Variants in RAPGEF2 observed in about 807,000 individuals in gnomAD.
The protein encoded by RAPGEF2 is PDZ domain containing guanine nucleotide exchange factor (GEF) 1.
In RAPGEF2, 54 loss-of-function variants were observed where a neutral mutation model predicts 186.7. That is an observed-to-expected ratio of 0.29 (90% CI 0.23 to 0.36). RAPGEF2 has a LOEUF of 0.36. Ranked by LOEUF, RAPGEF2 falls within the 10% of genes least tolerant of loss-of-function variation. The pLI is 1.00. For synonymous variants in RAPGEF2, 712 were observed against 705.9 expected, an observed-to-expected ratio of 1.01 and a Z score of -0.14; for missense variants, 1,532 against 2,045.0, an observed-to-expected ratio of 0.75 and a Z score of 4.84.
intron 1 of RAPGEF2, among the ~76,000 whole-genome samples, chr4:159,119,339 G>T (rs1230228154): frequency 6.6e-6 from 1 of 152,108 alleles, no homozygotes; most frequent in Non-Finnish European, 1.5e-5. Context: ...TTGGTGTTTT[G>T]TCTTTTTATT....
intron 1 of RAPGEF2, among the ~76,000 whole-genome samples, chr4:159,152,488 T>C (rs1418684868): frequency 2.0e-5 from 3 of 152,230 alleles, no homozygotes; most frequent in Non-Finnish European, 4.4e-5. Context: ...AATTGGTATG[T>C]CCATGTGGCT....
rs115907467 is a variant in RAPGEF2 at position 159,119,056 on chromosome 4, T to G, written c.69+14825T>G. ...ACTAAAGTGATTTTAATATGTTGAT[T>G]TGATAGACTTGATTTATAGTACAGA... On this transcript the variant is annotated intron_variant, in intron 1 of 29. Transcript: ENST00000691494. Among the ~76,000 whole-genome samples the G allele has an allele frequency of 8.6e-3, 1,308 of 152,314 alleles. 24 individuals are homozygous for G. Among genetic ancestry groups the G allele is most frequent in the African/African-American group, 0.03 (1,243 of 41,572 alleles).
chr4:159,107,119 G>A (rs1332559624), intron 1 of RAPGEF2, among the ~76,000 whole-genome samples: 4 of 152,172 alleles, frequency 2.6e-5, no homozygotes, highest in African/African-American at 4.8e-5. Context: ...TGGAAACCTG[G>A]CTGAGTTCTA....
intron 22 of RAPGEF2, 128 bp downstream of exon 22, chr4:159,343,532 G>T: frequency 8.2e-7 from 1 of 1,218,562 alleles, no homozygotes; most frequent in African/African-American, 1.5e-5. Context: ...AGTAGGATGT[G>T]CTGAGAATCA....
At position 159,350,160 on chromosome 4, in the gene RAPGEF2, A is replaced by G; in HGVS notation, c.3736A>G (p.Lys1246Glu). 6.3e-7 allele frequency: 1 copy of G among 1,575,212 alleles called. No homozygotes were observed. Among genetic ancestry groups the G allele is most frequent in the Non-Finnish European group, 8.6e-7 (1 of 1,160,586 alleles). ...AGGCATAAACTCTCCACAAGCTTTA[A>G]AAAAAATTCTTTCTTTGTCTGAAGA... is the stretch of plus-strand genomic sequence containing the variant. ...PFGINSPQAL[K>E]KILSLSEEGS... Residue 1246 changes from lysine (K) to glutamate (E), a missense_variant, in exon 26 of 30, where the codon AAA becomes GAA. By Grantham distance (56) the Lys-to-Glu change is moderately conservative. This residue lies in a region of RAPGEF2 where 594 missense variants were observed against 608.5 expected (regional missense o/e 0.98). Transcript: ENST00000691494.
rs771804945 is a variant in RAPGEF2, at chr4:159,341,585, G to A, written c.2556G>A (p.Met852Ile). 1 of 1,598,440 alleles carries A rather than the reference G, an allele frequency of 6.3e-7. No individual in the cohort carries two copies. Reference sequence around the variant, plus strand: ...ATAGGTATTATCTGAAAAACAACATGGAAACAGAAACTCTTTGTTCAGATG... The same window carrying A: ...ATAGGTATTATCTGAAAAACAACATAGAAACAGAAACTCTTTGTTCAGATG... ...LSGRYYLKNNMETETLCSDED... is the reference protein window; with the variant it reads ...LSGRYYLKNNIETETLCSDED... The change falls in exon 20 of 30, where the codon ATG (methionine) becomes ATA (isoleucine). Residue 852 changes from methionine (M) to isoleucine (I), a missense_variant. Met to Ile is a conservative substitution (Grantham distance 10). This residue lies in a region of RAPGEF2 where 810 missense variants were observed against 1,210.5 expected (regional missense o/e 0.67). Transcript: ENST00000691494.
chr4:159,215,634 A>T (rs1371963885), intron 4 of RAPGEF2, among the ~76,000 whole-genome samples: 1 of 152,236 alleles, frequency 6.6e-6, no homozygotes, highest in Non-Finnish European at 1.5e-5. Context: ...GCCTTTTAAT[A>T]GAAATAGTCA....
In RAPGEF2 at chr4:159,359,681, T is replaced by C. The variant is rs1443592705; in HGVS notation, c.*1542T>C. On this transcript the variant is annotated 3_prime_UTR_variant, in exon 30 of 30. Transcript: ENST00000691494. ...TTTTCACTGTATCAAACAATGTCAG[T>C]GCTTTATTTAATAATTCTCTTCTGT... is the stretch of plus-strand genomic sequence containing the variant. 6.6e-6 allele frequency: 1 copy of C among 151,964 alleles called. No homozygotes were observed. Among genetic ancestry groups the C allele is most frequent in the African/African-American group, 2.4e-5 (1 of 41,188 alleles). 9.4% of individuals were successfully genotyped at this position (151,964 alleles called of 1,614,324 possible).
At chr4:159,315,729 A>G (rs1398523660) in intron 9 of RAPGEF2, among the ~76,000 whole-genome samples, 1 of 152,154 alleles carries the variant, frequency 6.6e-6, no homozygotes, top group Non-Finnish European at 1.5e-5. Flanking sequence ...AGAGAGAGAG[A>G]GGAGACAAAG....
At chr4:159,324,449 T>C (rs996464510) in intron 11 of RAPGEF2, among the ~76,000 whole-genome samples, 3 of 152,236 alleles carry the variant, frequency 2.0e-5, no homozygotes, top group African/African-American at 7.2e-5. Flanking sequence ...AAAAGTGTTA[T>C]GTAAGGATGG....
intron 1 of RAPGEF2, among the ~76,000 whole-genome samples, chr4:159,159,264 G>A (rs1744448513): frequency 6.6e-6 from 1 of 152,136 alleles, no homozygotes; most frequent in Non-Finnish European, 1.5e-5. Flanking sequence ...ACAACAAGTT[G>A]TACCCTCAGA....
chr4:159,186,785 T>G (rs1747597972), intron 2 of RAPGEF2, 73 bp downstream of exon 2: 1 of 836,640 alleles, frequency 1.2e-6, no homozygotes, highest in Non-Finnish European at 1.8e-6. Context: ...AACATTTTAA[T>G]TTTTTACTTT....
At chr4:159,301,554 CAGAT>C (rs1479947208) in intron 7 of RAPGEF2, among the ~76,000 whole-genome samples, 1 of 152,094 alleles carries the variant, frequency 6.6e-6, no homozygotes. Context: ...GCAAAGAACA[CAGAT>C]AGTGCGGAGA....
chr4:159,139,658 G>A (rs1579287590), intron 1 of RAPGEF2, among the ~76,000 whole-genome samples: 1 of 151,936 alleles, frequency 6.6e-6, no homozygotes, highest in Non-Finnish European at 1.5e-5. Context: ...ATTATTACGG[G>A]GATATTAAGC....
In RAPGEF2 at chr4:159,249,214, TTTC is replaced by T. The variant is rs1755005700; in HGVS notation, c.543+5426_543+5428del. ...ATGCTTTTCATCTTCGACTGTTTCA[TTTC>T]TTATCATGTGATTTTTTTTTTTGTC... On this transcript the variant is annotated intron_variant, in intron 7 of 29. Coordinates refer to ENST00000691494, the MANE Select transcript of RAPGEF2 (RefSeq NM_001394067.2). 2.0e-5 allele frequency among the ~76,000 whole-genome samples: 3 copies of T among 150,582 alleles called. No homozygotes were observed. The South Asian group carries it at 6.2e-4, about 31-fold the overall frequency.
intron 1 of RAPGEF2, among the ~76,000 whole-genome samples, chr4:159,129,413 A>G (rs1740754373): frequency 6.6e-6 from 1 of 152,218 alleles, no homozygotes; most frequent in Non-Finnish European, 1.5e-5. Flanking sequence ...TAGGGAGCAC[A>G]TATCTCAGAA....
chr4:159,153,683 T>C (rs1311534989), intron 1 of RAPGEF2, among the ~76,000 whole-genome samples: 1 of 152,190 alleles, frequency 6.6e-6, no homozygotes, highest in African/African-American at 2.4e-5. Context: ...ATGTAGTGTC[T>C]CCTTCTTGCT....
At chr4:159,352,391 G>A (rs1185700183) in intron 26 of RAPGEF2, 1 of 272,726 alleles carries the variant, frequency 3.7e-6, no homozygotes, top group Non-Finnish European at 6.9e-6. Flanking sequence ...GACTAATAGT[G>A]TAATTATATA....
At chr4:159,203,643 GA>G (rs1012696643) in intron 3 of RAPGEF2, among the ~76,000 whole-genome samples, 7 of 151,338 alleles carry the variant, frequency 4.6e-5, no homozygotes, top group Non-Finnish European at 4.4e-5. Flanking sequence ...GGCATAGGTG[GA>G]AAAAAAAATG....
Sources: allele counts gnomAD v4.1 joint callset (sites outside exome capture counted in the v4.1 genomes callset), GRCh38; gene constraint gnomAD v4.1.1; regional missense constraint gnomAD v4.1.1; transcripts MANE v1.5; gene names NCBI Gene and HGNC (gene_info 2026-07-23, HGNC 2026-07-21).